The following HS3ST5 variants were observed in gnomAD, a reference collection of about 807,000 sequenced individuals.
HS3ST5 encodes heparan sulfate glucosamine 3-O-sulfotransferase 5.
Under a neutral mutation model 25.4 loss-of-function variants are expected in HS3ST5, and 10 were observed. That is an observed-to-expected ratio of 0.39 (90% CI 0.24 to 0.67). The LOEUF is 0.67. HS3ST5 is among the 30% of genes least tolerant of loss of function. The probability of loss-of-function intolerance (pLI) is 0.44; values close to 1 mark genes in which losing one functional copy is unlikely to be tolerated. For missense variants in HS3ST5, 324 were observed against 420.7 expected (o/e 0.77, Z 2.01); for synonymous variants, 170 against 162.4 (o/e 1.05, Z -0.36).
chr6:114,057,404 A>G lies in HS3ST5; in HGVS notation c.894T>C (p.Asn298=), dbSNP rs901278139. The G allele has an allele frequency of 6.2e-7, 1 of 1,614,204 alleles. No homozygotes were observed. ...ATRGFYCLRF[N]IIFNKCLAGS... is the part of the protein sequence containing the mutation. ...CCGCCAGGCACTTATTAAAGATAATATTAAACCGCAAGCAGTAAAACCCTC... is the reference window on the plus strand; with the variant it reads ...CCGCCAGGCACTTATTAAAGATAATGTTAAACCGCAAGCAGTAAAACCCTC... The change falls in exon 5 of 5, where the codon AAT becomes AAC. Residue 298 remains asparagine (N), a synonymous_variant. Coordinates refer to ENST00000312719, the MANE Select transcript of HS3ST5 (RefSeq NM_153612.4).
intron 3 of HS3ST5, among the ~76,000 whole-genome samples, chr6:114,096,423 G>A (rs7741373): frequency 0.011 from 1,684 of 152,130 alleles, 14 homozygotes; most frequent in African/African-American, 0.023. Flanking sequence ...ACCAGTTAAC[G>A]TAGGACTTTT....
chr6:114,124,630 C>CT (rs565626745), intron 3 of HS3ST5, among the ~76,000 whole-genome samples: 4,094 of 127,798 alleles, frequency 0.032, 132 homozygotes, highest in South Asian at 0.098. Flanking sequence ...AGGATTAGCT[C>CT]TTTTTTTTTT....
chr6:114,205,423 C>T (rs1781228337), intron 2 of HS3ST5, among the ~76,000 whole-genome samples: 1 of 152,142 alleles, frequency 6.6e-6, no homozygotes, highest in African/African-American at 2.4e-5. Flanking sequence ...AGTTAGGGAG[C>T]ACAGAGCTTC....
chr6:114,157,617 T>C (rs1778759440), intron 3 of HS3ST5, among the ~76,000 whole-genome samples: 1 of 152,240 alleles, frequency 6.6e-6, no homozygotes, highest in South Asian at 2.1e-4. Context: ...TGTGAGGTGA[T>C]AAGTTAATTA....
chr6:114,297,030 G>A (rs945420733), intron 1 of HS3ST5, among the ~76,000 whole-genome samples: 2 of 152,176 alleles, frequency 1.3e-5, no homozygotes, highest in East Asian at 1.9e-4. Context: ...TAAAAACACC[G>A]TTCTGGATCA....
chr6:114,165,765 G>C (rs1275027804), intron 3 of HS3ST5, among the ~76,000 whole-genome samples: 1 of 152,084 alleles, frequency 6.6e-6, no homozygotes, highest in Non-Finnish European at 1.5e-5. Flanking sequence ...TTTCTCACCA[G>C]CTCTGTGATT....
At chr6:114,061,972 A>G (rs896316570) in intron 4 of HS3ST5, among the ~76,000 whole-genome samples, 2 of 152,144 alleles carry the variant, frequency 1.3e-5, no homozygotes, top group African/African-American at 4.8e-5. Flanking sequence ...TTTTAAGGGC[A>G]AAAAGGGAAG....
chr6:114,111,921 AATTTT>A (rs1367679191), intron 3 of HS3ST5, among the ~76,000 whole-genome samples: 235 of 152,128 alleles, frequency 1.5e-3, no homozygotes, highest in African/African-American at 5.2e-3. Context: ...CCACTCCAGA[AATTTT>A]CTGACCTCCT....
chr6:114,089,151 G>C (rs1404907189), intron 3 of HS3ST5: 1 of 152,258 alleles, frequency 6.6e-6, no homozygotes, highest in Non-Finnish European at 1.5e-5. Context: ...TCTCAGAATA[G>C]TAGTATTTTC....
intron 3 of HS3ST5, among the ~76,000 whole-genome samples, chr6:114,098,723 T>C (rs1269598178): frequency 6.6e-6 from 1 of 151,940 alleles, no homozygotes; most frequent in Non-Finnish European, 1.5e-5. Context: ...TCTTCTGAGG[T>C]AATTTGCATT....
In HS3ST5 at chr6:114,057,678, T is replaced by C. The variant is rs758686546; in HGVS notation, c.620A>G (p.Tyr207Cys). 1 of 1,614,084 alleles carries C rather than the reference T, an allele frequency of 6.2e-7. No individual in the cohort carries two copies. Among genetic ancestry groups the C allele is most frequent in the African/African-American group, 1.3e-5 (1 of 74,928 alleles). Residue 207 changes from tyrosine (Y) to cysteine (C), a missense_variant, in exon 5 of 5, where the codon TAT becomes TGT. Physicochemically the swap from Tyr to Cys is radical, Grantham distance 194. Transcript: ENST00000312719. ...LEGKERKNKT[Y>C]YKFEKLAIDP... ...TATGGCCAGCTTCTCAAACTTGTAA[T>C]AAGTTTTGTTCTTCCTCTCCTTCCC...
chr6:114,133,301 G>A (rs999341236), intron 3 of HS3ST5, among the ~76,000 whole-genome samples: 1 of 152,180 alleles, frequency 6.6e-6, no homozygotes, highest in African/African-American at 2.4e-5. Flanking sequence ...TCCAGGATTG[G>A]AGAGAACCTG....
chr6:114,140,446 T>C (rs1475615073), intron 3 of HS3ST5, among the ~76,000 whole-genome samples: 1 of 152,192 alleles, frequency 6.6e-6, no homozygotes, highest in East Asian at 1.9e-4. Context: ...ATCACGAAGA[T>C]GTTGTGTGAC....
intron 1 of HS3ST5, among the ~76,000 whole-genome samples, chr6:114,330,850 A>G (rs1391955956): frequency 2.6e-5 from 4 of 152,188 alleles, no homozygotes; most frequent in Non-Finnish European, 5.9e-5. Context: ...GTAAAAAAAG[A>G]CAGGCTGATA....
chr6:114,196,574 C>G (rs553127710), intron 2 of HS3ST5, among the ~76,000 whole-genome samples: 2 of 151,524 alleles, frequency 1.3e-5, no homozygotes, highest in African/African-American at 4.9e-5. Context: ...GAGCGGCCCT[C>G]GTGAAGTCTC....
intron 1 of HS3ST5, among the ~76,000 whole-genome samples, chr6:114,280,444 C>A (rs891460439): frequency 1.7e-4 from 26 of 151,924 alleles, no homozygotes; most frequent in African/African-American, 6.0e-4. Flanking sequence ...AGGAGGTACG[C>A]CCTCTTCCAA....
chr6:114,294,627 A>T (rs1313974047), intron 1 of HS3ST5, among the ~76,000 whole-genome samples: 1 of 151,932 alleles, frequency 6.6e-6, no homozygotes, highest in Non-Finnish European at 1.5e-5. Flanking sequence ...CTGTATTTTT[A>T]GTAGAGACGG....
intron 2 of HS3ST5, among the ~76,000 whole-genome samples, chr6:114,215,067 A>T (rs2114456101): frequency 6.6e-6 from 1 of 152,254 alleles, no homozygotes; most frequent in East Asian, 1.9e-4. Context: ...GCAGTTTGGG[A>T]GGCCGAGGCG....
intron 3 of HS3ST5, among the ~76,000 whole-genome samples, chr6:114,147,324 G>A (rs77687926): frequency 0.01 from 1,523 of 152,262 alleles, 26 homozygotes; most frequent in African/African-American, 0.034. Context: ...CCATGTGACT[G>A]AATTCTCACT....
Sources: gnomAD v4.1 joint callset for allele counts (sites outside exome capture counted in the v4.1 genomes callset) on GRCh38, gnomAD v4.1.1 for gene constraint, MANE v1.5 for transcripts, NCBI Gene and HGNC (gene_info 2026-07-23, HGNC 2026-07-21) for gene names.